The following CKAP5 variants were observed in gnomAD, a reference collection of about 807,000 sequenced individuals.
The protein encoded by CKAP5 is cytoskeleton-associated protein 5.
CKAP5 carries 27 observed loss-of-function variants against 232.8 expected under a neutral mutation model. The observed-to-expected ratio is 0.12, with a 90% CI of 0.09 to 0.16. CKAP5 has a LOEUF of 0.16. CKAP5 is among the 10% of genes least tolerant of loss of function. The pLI is 1.00. For missense variants in CKAP5, 1,838 were observed against 2,424.7 expected (o/e 0.76, Z 5.08); for synonymous variants, 785 against 841.1 (o/e 0.93, Z 1.16).
chr11:46,825,554 C>G (rs1189804725), intron 1 of CKAP5, among the ~76,000 whole-genome samples: 5 of 152,050 alleles, frequency 3.3e-5, no homozygotes, highest in Admixed American at 3.3e-4. Context: ...GGCAAATTCC[C>G]AAGCTCTTGA....
chr11:46,837,738 C>G (rs1462427287), intron 1 of CKAP5, among the ~76,000 whole-genome samples: 1 of 152,090 alleles, frequency 6.6e-6, no homozygotes, highest in African/African-American at 2.4e-5. Context: ...CTGGAACAAC[C>G]TGAACAACAA....
chr11:46,799,275 T>C (rs983044161), intron 9 of CKAP5, among the ~76,000 whole-genome samples: 30 of 151,976 alleles, frequency 2.0e-4, no homozygotes, highest in Non-Finnish European at 2.9e-4. Context: ...GGGAAGAAAA[T>C]TTCTAAGGTC....
At chr11:46,846,065 C>T (rs1940183068) in intron 1 of CKAP5, among the ~76,000 whole-genome samples, 155 bp downstream of exon 1, 1 of 151,904 alleles carries the variant, frequency 6.6e-6, no homozygotes, top group Admixed American at 6.6e-5. Flanking sequence ...CCCCGGCCTC[C>T]GGCTCGCTTC....
chr11:46,754,873 C>CA lies in CKAP5; in HGVS notation c.4869+14dup. ...AGATTGATGGGAAGCTGAAATTCTG[C>CA]AGAGGTGCCCTTACCGAAATCATGT... On this transcript the variant is annotated intron_variant, in intron 36 of 43. Transcript: ENST00000529230. 6.2e-7 allele frequency: 1 copy of CA among 1,605,370 alleles called. No homozygotes were observed. The highest frequency in any genetic ancestry group is 1.1e-5 in the South Asian group (1 of 89,484).
rs1345292917 is a variant in CKAP5 at position 46,817,507 on chromosome 11, C to T, written c.251+803G>A. Among the ~76,000 whole-genome samples the T allele has an allele frequency of 2.0e-5, 3 of 152,040 alleles. No homozygotes were observed. In the East Asian group the frequency reaches 5.8e-4, roughly 29 times the overall value. ...ACATGCAGCATTTATCAAAAAACCG[C>T]TTCTAGTATCAGAAGAGAAATTAAA... is the stretch of plus-strand genomic sequence containing the variant. On this transcript the variant is annotated intron_variant, in intron 3 of 43. Coordinates refer to ENST00000529230, the MANE Select transcript of CKAP5 (RefSeq NM_001008938.4).
At chr11:46,750,194 T>TCAATAC in intron 42 of CKAP5, 80 bp downstream of exon 42, 6 of 1,435,300 alleles carry the variant, frequency 4.2e-6, no homozygotes, top group Non-Finnish European at 4.8e-6. Flanking sequence ...TGGATATGAA[T>TCAATAC]TTAAACTAAC....
chr11:46,764,580 A>G (rs61884329), intron 28 of CKAP5, among the ~76,000 whole-genome samples: 23 of 152,218 alleles, frequency 1.5e-4, no homozygotes, highest in Non-Finnish European at 2.8e-4. Context: ...AAAAATATAC[A>G]TATGATAGTA....
chr11:46,812,377 T>C (rs892727177), intron 4 of CKAP5, among the ~76,000 whole-genome samples: 1 of 152,160 alleles, frequency 6.6e-6, no homozygotes, highest in South Asian at 2.1e-4. Context: ...TAACCTTACA[T>C]ATCTGTCATA....
At chr11:46,845,627 C>T (rs996968313) in intron 1 of CKAP5, among the ~76,000 whole-genome samples, 1 of 152,298 alleles carries the variant, frequency 6.6e-6, no homozygotes, top group African/African-American at 2.4e-5. Flanking sequence ...ACCTCCAGGG[C>T]TGGAAGGACA....
At chr11:46,762,220 T>C in intron 31 of CKAP5, 27 bp from the exon 32 acceptor site, 1 of 1,601,868 alleles carries the variant, frequency 6.2e-7, no homozygotes, top group African/African-American at 1.3e-5. Flanking sequence ...GCTAGATTAA[T>C]GAGACAACAC....
At chr11:46,760,818 A>G (rs758012340) in intron 32 of CKAP5, 34 bp from the exon 33 acceptor site, 6 of 1,565,352 alleles carry the variant, frequency 3.8e-6, no homozygotes, top group Admixed American at 1.8e-5. Flanking sequence ...ACCTAACTGG[A>G]TAACACAATA....
At chr11:46,801,379 G>T in intron 8 of CKAP5, 75 bp from the exon 9 acceptor site, 3 of 1,168,274 alleles carry the variant, frequency 2.6e-6, no homozygotes, top group Non-Finnish European at 3.8e-6. Context: ...ATTCTCAAAA[G>T]AACTCTGAGG....
At chr11:46,778,073 C>A in intron 22 of CKAP5, 66 bp downstream of exon 22, 1 of 1,372,940 alleles carries the variant, frequency 7.3e-7, no homozygotes. Flanking sequence ...GAAGGCTACA[C>A]TGAAAAGGTA....
Position 46,818,312 on chromosome 11 carries a change from T to C in CKAP5, c.249A>G (p.Gly83=). Residue 83 remains glycine (G), a splice_region_variant and synonymous_variant, in exon 3 of 44, where the codon GGA becomes GGG. Coordinates refer to ENST00000529230, the MANE Select transcript of CKAP5 (RefSeq NM_001008938.4). ...AAAGTTGGAAAGAAAGTACTTACTTTCCTGCTACATGGGCATTTTCAACAT... is the reference window on the plus strand; with the variant it reads ...AAAGTTGGAAAGAAAGTACTTACTTCCCTGCTACATGGGCATTTTCAACAT... ...LVYVENAHVA[G]KTTGEVVSGV... 1 of 1,579,360 alleles carries C rather than the reference T, an allele frequency of 6.3e-7. No homozygotes were observed. The highest frequency in any genetic ancestry group is 1.2e-5 in the South Asian group (1 of 84,738).
chr11:46,761,929 G>A (rs1254406153), intron 32 of CKAP5, 71 bp downstream of exon 32: 3 of 1,300,574 alleles, frequency 2.3e-6, no homozygotes, highest in South Asian at 1.4e-5. Context: ...GAGAGGACAG[G>A]AAACCTAACA....
rs1050955176 is a variant in CKAP5, at chr11:46,777,625, C to G, written c.2749-73G>C. Reference sequence around the variant, plus strand: ...TGTGCAAACTTCCGTAAATTTGCTGCTATACTGTCAATACAGCAGGAGATT... The same window carrying G: ...TGTGCAAACTTCCGTAAATTTGCTGGTATACTGTCAATACAGCAGGAGATT... On this transcript the variant is annotated intron_variant, in intron 22 of 43. Coordinates refer to ENST00000529230, the MANE Select transcript of CKAP5 (RefSeq NM_001008938.4). 5 of 804,814 alleles carry G rather than the reference C, an allele frequency of 6.2e-6. No homozygotes were observed. In the African/African-American group the frequency reaches 1.7e-4, roughly 28 times the overall value. 49.9% of individuals were successfully genotyped at this position (804,814 alleles called of 1,614,324 possible). A position where few individuals can be genotyped will look rare whatever the true frequency, so the allele number is the denominator to read the frequency against.
At chr11:46,784,408 A>G (rs2065369549) in intron 17 of CKAP5, 80 bp downstream of exon 17, 9 of 1,136,712 alleles carry the variant, frequency 7.9e-6, no homozygotes, top group Non-Finnish European at 1.0e-5. Flanking sequence ...GAAGATAAAA[A>G]CTAATGTTTA....
intron 9 of CKAP5, among the ~76,000 whole-genome samples, chr11:46,800,117 T>C (rs1330110064): frequency 2.0e-5 from 3 of 152,152 alleles, no homozygotes; most frequent in African/African-American, 7.2e-5. Flanking sequence ...CTAAGTAATA[T>C]AAAATTGATC....
At chr11:46,745,588 C>A (rs2065016624) in intron 42 of CKAP5, among the ~76,000 whole-genome samples, 1 of 152,188 alleles carries the variant, frequency 6.6e-6, no homozygotes, top group Admixed American at 6.5e-5. Context: ...ATGTGGCATA[C>A]TGTTGGACAT....
Sources: gnomAD v4.1 joint callset for allele counts (sites outside exome capture counted in the v4.1 genomes callset) on GRCh38, gnomAD v4.1.1 for gene constraint, MANE v1.5 for transcripts, NCBI Gene and HGNC (gene_info 2026-07-23, HGNC 2026-07-21) for gene names.